NT5DC3: variants seen among roughly 807,000 people sequenced by gnomAD.
NT5DC3 encodes 5'-nucleotidase domain containing 3, also known as 5'-nucleotidase domain-containing protein 3.
NT5DC3 carries 42 observed loss-of-function variants against 67.8 expected under a neutral mutation model. That is an observed-to-expected ratio of 0.62 (90% confidence interval 0.48 to 0.80). The LOEUF is 0.80. Ranked by LOEUF, NT5DC3 falls within the 30% of genes least tolerant of loss-of-function variation. NT5DC3 has a pLI of 0.00. For missense variants in NT5DC3, 570 were observed against 696.4 expected (o/e 0.82, Z 2.04); for synonymous variants, 237 against 255.6 (o/e 0.93, Z 0.69).
chr12:103,829,310 G>A (rs1273638262), intron 1 of NT5DC3, among the ~76,000 whole-genome samples: 1 of 152,186 alleles, frequency 6.6e-6, no homozygotes, highest in East Asian at 1.9e-4. Context: ...AAATGGGTGT[G>A]GCTATGTTCC....
chr12:103,811,824 C>A (rs1280139889), intron 2 of NT5DC3, among the ~76,000 whole-genome samples: 2 of 152,098 alleles, frequency 1.3e-5, no homozygotes, highest in African/African-American at 4.8e-5. Flanking sequence ...GTATTTGCAA[C>A]CTTTCCGTAA....
At chr12:103,769,925 T>C (rs945500573), downstream of NT5DC3, among the ~76,000 whole-genome samples, 1 of 152,200 alleles carries the variant, frequency 6.6e-6, no homozygotes, top group African/African-American at 2.4e-5. Context: ...ATACCTGATA[T>C]TTTTGCTGAG....
intron 1 of NT5DC3, among the ~76,000 whole-genome samples, chr12:103,818,407 GCT>G (rs2139431770): frequency 6.9e-6 from 1 of 144,208 alleles, no homozygotes; most frequent in East Asian, 2.0e-4. Context: ...ATGAAGTCTC[GCT>G]CTGTCACCCA....
chr12:103,812,194 A>G (rs1330830846), intron 2 of NT5DC3, among the ~76,000 whole-genome samples: 2 of 152,202 alleles, frequency 1.3e-5, no homozygotes, highest in African/African-American at 4.8e-5. Flanking sequence ...GAGAGATACT[A>G]AATTGCAAAT....
intron 4 of NT5DC3, among the ~76,000 whole-genome samples, chr12:103,801,079 C>G (rs11111792): frequency 0.27 from 41,246 of 151,788 alleles, 6,058 homozygotes; most frequent in East Asian, 0.57. Context: ...GGCTGCAGTA[C>G]GGAACCCCCC....
intron 3 of NT5DC3, 130 bp downstream of exon 3, chr12:103,806,725 A>G: frequency 3.2e-6 from 2 of 628,628 alleles, no homozygotes; most frequent in Middle Eastern, 4.3e-4. Context: ...ATATGTGAAT[A>G]AATTTGGTTC....
At position 103,777,698 on chromosome 12, in the gene NT5DC3, G is replaced by A. The variant is rs753604914; in HGVS notation, c.*131C>T. The A allele has an allele frequency of 4.4e-5, 48 of 1,080,066 alleles. No homozygotes were observed. In the South Asian group the frequency reaches 5.6e-4, roughly 13 times the overall value. The allele number at this position is 1,080,066 out of a possible 1,614,324, so 66.9% of individuals were successfully genotyped here. A position where few individuals can be genotyped will look rare whatever the true frequency, so the allele number is the denominator to read the frequency against. On this transcript the variant is annotated 3_prime_UTR_variant, in exon 14 of 14. Coordinates refer to ENST00000392876, the MANE Select transcript of NT5DC3 (RefSeq NM_001031701.3). The stretch of plus-strand genomic sequence containing the variant: ...TTAACCATTGGGAGAATTATTCTCC[G>A]TAAGGTACAAAATAAATATCAAAAG...
chr12:103,768,740 G>A (rs945839149), downstream of NT5DC3: 1 of 148,364 alleles, frequency 6.7e-6, no homozygotes, highest in African/African-American at 2.5e-5. Context: ...TTACTTAATA[G>A]TTAAGGGAAA....
chr12:103,766,640 T>C, downstream of NT5DC3: 1 of 330,298 alleles, frequency 3.0e-6, no homozygotes, highest in East Asian at 6.3e-5. Context: ...ATTGTAAGCC[T>C]CCGTCTTTGT....
downstream of NT5DC3, among the ~76,000 whole-genome samples, chr12:103,767,118 A>C (rs1885015350): frequency 6.6e-6 from 1 of 152,238 alleles, no homozygotes; most frequent in African/African-American, 2.4e-5. Context: ...TGTCCGTACA[A>C]AAACTTGTAC....
chr12:103,764,520 C>T, the NT5DC3 span, among the ~76,000 whole-genome samples: 2 of 152,170 alleles, frequency 1.3e-5, no homozygotes, highest in African/African-American at 4.8e-5. Flanking sequence ...TGTGGAAGTA[C>T]ATCCTGCCTG....
At chr12:103,803,864 C>CCA (rs1039455880) in intron 4 of NT5DC3, among the ~76,000 whole-genome samples, 8 of 126,584 alleles carry the variant, frequency 6.3e-5, no homozygotes, top group African/African-American at 1.9e-4. Flanking sequence ...TTACCACCCC[C>CCA]CCCCCAAAAA....
intron 4 of NT5DC3, among the ~76,000 whole-genome samples, chr12:103,802,924 A>G (rs541233882): frequency 2.0e-3 from 299 of 152,324 alleles, no homozygotes; most frequent in African/African-American, 6.7e-3. Context: ...GGAGCCATCC[A>G]GGCATTCAGA....
chr12:103,828,700 T>C (rs891141174), intron 1 of NT5DC3, among the ~76,000 whole-genome samples: 1 of 145,322 alleles, frequency 6.9e-6, no homozygotes, highest in Admixed American at 7.0e-5. Context: ...TTCTTTCTTT[T>C]TATTTTTTTT....
intron 1 of NT5DC3, 136 bp downstream of exon 1, chr12:103,840,813 G>C: frequency 2.5e-6 from 1 of 402,718 alleles, no homozygotes; most frequent in Non-Finnish European, 4.3e-6. Flanking sequence ...GCGGCTGGGG[G>C]TGTGGGCACC....
chr12:103,769,766 A>C (rs1026517277), downstream of NT5DC3, among the ~76,000 whole-genome samples: 1 of 152,246 alleles, frequency 6.6e-6, no homozygotes, highest in Non-Finnish European at 1.5e-5. Context: ...ACGAGCAGGG[A>C]GGAAAAGATC....
chr12:103,799,728 A>G (rs937682914), intron 4 of NT5DC3, among the ~76,000 whole-genome samples: 6 of 150,704 alleles, frequency 4.0e-5, no homozygotes, highest in African/African-American at 1.5e-4. Context: ...ATGCTTTGTG[A>G]CACTGAAGGC....
intron 4 of NT5DC3, among the ~76,000 whole-genome samples, chr12:103,800,848 A>T (rs985628983): frequency 2.0e-5 from 3 of 152,162 alleles, no homozygotes; most frequent in African/African-American, 7.2e-5. Flanking sequence ...TTGATAAGTA[A>T]TTTATCCCTT....
At chr12:103,757,365 G>C in the NT5DC3 span, among the ~76,000 whole-genome samples, 1 of 152,174 alleles carries the variant, frequency 6.6e-6, no homozygotes, top group Non-Finnish European at 1.5e-5. Context: ...TGGGATTATA[G>C]GTGTGAGCCA....
Sources: allele counts gnomAD v4.1 joint callset (sites outside exome capture counted in the v4.1 genomes callset), GRCh38; gene constraint gnomAD v4.1.1; transcripts MANE v1.5; gene names NCBI Gene and HGNC (gene_info 2026-07-23, HGNC 2026-07-21).